SYNJ2BP: variants seen among roughly 807,000 people sequenced by gnomAD.
The protein encoded by SYNJ2BP is synaptojanin-2-binding protein.
SYNJ2BP carries 10 observed loss-of-function variants against 16.9 expected under a neutral mutation model. That is an observed-to-expected ratio of 0.59 (90% CI 0.36 to 1.00). The LOEUF (loss-of-function observed/expected upper bound fraction) is 1.00. Among genes scored for constraint, SYNJ2BP ranks in the 50% least tolerant of loss-of-function variants. SYNJ2BP has a pLI of 0.01. For missense variants in SYNJ2BP, 162 were observed against 186.7 expected (o/e 0.87, Z 0.77); for synonymous variants, 54 against 68.4 (o/e 0.79, Z 1.04).
chr14:70,394,613 C>T (rs987081085), intron 1 of SYNJ2BP, among the ~76,000 whole-genome samples: 4 of 151,854 alleles, frequency 2.6e-5, no homozygotes, highest in Non-Finnish European at 4.4e-5. Context: ...ATAAGAATGA[C>T]ACCACTATAG....
At chr14:70,375,649 A>T in intron 3 of SYNJ2BP, 27 bp downstream of exon 3, 1 of 1,601,878 alleles carries the variant, frequency 6.2e-7, no homozygotes, top group Admixed American at 1.8e-5. Context: ...GCCTGGTGCC[A>T]GGTTTCTGGC....
At position 70,394,209 on chromosome 14, in the gene SYNJ2BP, C is replaced by G. The variant is rs981813687; in HGVS notation, c.65-5603G>C. Among the ~76,000 whole-genome samples the G allele has an allele frequency of 4.0e-5, 6 of 151,784 alleles. No homozygotes were observed. In the South Asian group the frequency reaches 1.0e-3, roughly 26 times the overall value. ...CTCCCTATAAATAAAAACATACACA[C>G]AAATATTAACTATTTACAAAAATGC... On this transcript the variant is annotated intron_variant, in intron 1 of 3. Transcript: ENST00000256366.
chr14:70,371,065 G>A lies in SYNJ2BP; in HGVS notation c.*1926C>T, dbSNP rs955406933. 1.3e-5 allele frequency: 2 copies of A among 152,208 alleles called. 1 individual carries two copies. Among genetic ancestry groups the A allele is most frequent in the Middle Eastern group, 6.3e-3 (2 of 316 alleles). 9.4% of individuals were successfully genotyped at this position (152,208 alleles called of 1,614,324 possible). On this transcript the variant is annotated 3_prime_UTR_variant, in exon 4 of 4. Coordinates refer to ENST00000256366, the MANE Select transcript of SYNJ2BP (RefSeq NM_018373.3). ...CTGTCCAAGCTAGAAATGAAATACA[G>A]TTGATTGCCTGAGTCCTGATAATCT...
At chr14:70,412,631 A>ATATAT (rs1235982664) in intron 1 of SYNJ2BP, among the ~76,000 whole-genome samples, 540 of 147,980 alleles carry the variant, frequency 3.6e-3, no homozygotes, top group East Asian at 4.9e-3. Flanking sequence ...TATATATAGT[A>ATATAT]ACTAGCACAC....
chr14:70,394,188 C>T (rs1348308373), intron 1 of SYNJ2BP, among the ~76,000 whole-genome samples: 3 of 151,862 alleles, frequency 2.0e-5, no homozygotes, highest in African/African-American at 4.8e-5. Flanking sequence ...CAACACCTCC[C>T]TATAAATAAA....
chr14:70,380,870 A>G (rs1566616148), intron 2 of SYNJ2BP, among the ~76,000 whole-genome samples: 1 of 152,176 alleles, frequency 6.6e-6, no homozygotes, highest in East Asian at 1.9e-4. Flanking sequence ...ATGCAACTAT[A>G]TACTTTGAAT....
intron 3 of SYNJ2BP, among the ~76,000 whole-genome samples, chr14:70,374,799 A>G (rs1887589253): frequency 1.3e-5 from 2 of 152,132 alleles, no homozygotes; most frequent in South Asian, 2.1e-4. Context: ...GTTTTATCCA[A>G]TGGTTTTATA....
At chr14:70,392,050 A>G (rs1379479704) in intron 1 of SYNJ2BP, among the ~76,000 whole-genome samples, 2 of 152,270 alleles carry the variant, frequency 1.3e-5, no homozygotes, top group African/African-American at 2.4e-5. Context: ...TCACTTGCTC[A>G]GTAAAAATTA....
At chr14:70,412,399 C>G (rs1271083247) in intron 1 of SYNJ2BP, among the ~76,000 whole-genome samples, 1 of 151,342 alleles carries the variant, frequency 6.6e-6, no homozygotes, top group Non-Finnish European at 1.5e-5. Flanking sequence ...ATTTCCCAAT[C>G]TAATAATGTG....
chr14:70,406,064 T>C (rs889465836), intron 1 of SYNJ2BP, among the ~76,000 whole-genome samples: 1 of 152,188 alleles, frequency 6.6e-6, no homozygotes, highest in African/African-American at 2.4e-5. Context: ...TTAACCCTTT[T>C]CCAAAAGGAA....
At position 70,367,900 on chromosome 14, in the gene SYNJ2BP, T is replaced by A. The variant is rs935253126; in HGVS notation, c.*5091A>T. 3.3e-5 allele frequency: 5 copies of A among 152,200 alleles called. No individual in the cohort carries two copies. The highest frequency in any genetic ancestry group is 1.2e-4 in the African/African-American group (5 of 41,436). The allele number at this position is 152,200 out of a possible 1,614,324, so 9.4% of individuals were successfully genotyped here. On this transcript the variant is annotated 3_prime_UTR_variant, in exon 4 of 4. Coordinates refer to ENST00000256366, the MANE Select transcript of SYNJ2BP (RefSeq NM_018373.3). ...TTAGAGTGACTAAGTGTTATTTATC[T>A]CTCTATCTTCGGCACCTAGCACATA...
chr14:70,414,550 T>C (rs1178351804), intron 1 of SYNJ2BP, among the ~76,000 whole-genome samples: 1 of 152,228 alleles, frequency 6.6e-6, no homozygotes. Context: ...AAAGATTTCA[T>C]CTTTAGAACA....
At chr14:70,400,710 C>G (rs1300990122) in intron 1 of SYNJ2BP, among the ~76,000 whole-genome samples, 2 of 152,150 alleles carry the variant, frequency 1.3e-5, no homozygotes, top group Non-Finnish European at 2.9e-5. Context: ...ACTAAAGACA[C>G]GTTTTACATT....
rs944791214 is a variant in SYNJ2BP at position 70,366,935 on chromosome 14, T to A, written c.*6056A>T. The A allele has an allele frequency of 6.6e-6, 1 of 152,238 alleles. No homozygotes were observed. The allele number at this position is 152,238 out of a possible 1,614,324, so 9.4% of individuals were successfully genotyped here. ...GATTAAAATAGGATTCAATTATTCA[T>A]CTCCATTTGCAAATCTACAAACTAG... On this transcript the variant is annotated 3_prime_UTR_variant, in exon 4 of 4. Transcript: ENST00000256366.
intron 2 of SYNJ2BP, 105 bp from the exon 3 acceptor site, chr14:70,375,876 T>C (rs973569429): frequency 6.9e-6 from 10 of 1,447,614 alleles, no homozygotes; most frequent in Admixed American, 4.2e-5. Flanking sequence ...TCAGAGCAAA[T>C]TGCAAGGACT....
chr14:70,387,523 G>C (rs1180805920), intron 2 of SYNJ2BP, among the ~76,000 whole-genome samples: 1 of 152,094 alleles, frequency 6.6e-6, no homozygotes, highest in African/African-American at 2.4e-5. Context: ...ACTGTGCTAT[G>C]ATTCAAAAGG....
chr14:70,394,702 A>T (rs1470730190), intron 1 of SYNJ2BP, among the ~76,000 whole-genome samples: 2 of 151,404 alleles, frequency 1.3e-5, no homozygotes, highest in Admixed American at 6.6e-5. Context: ...TGAACTCCTG[A>T]CTATAGGTCT....
In SYNJ2BP at chr14:70,414,170, T is replaced by A. The variant is rs532184846; in HGVS notation, c.64+2730A>T. ...TAGGAAACCAGTTCTGGTAAGTGATTAACATGAACTTGAAACCTTTCTTTG... is the reference window on the plus strand; with the variant it reads ...TAGGAAACCAGTTCTGGTAAGTGATAAACATGAACTTGAAACCTTTCTTTG... On this transcript the variant is annotated intron_variant, in intron 1 of 3. Coordinates refer to ENST00000256366, the MANE Select transcript of SYNJ2BP (RefSeq NM_018373.3). 5.9e-4 allele frequency among the ~76,000 whole-genome samples: 90 copies of A among 152,288 alleles called. 1 individual carries two copies. The highest frequency in any genetic ancestry group is 1.0e-3 in the Admixed American group (16 of 15,308).
chr14:70,396,216 T>G (rs982742447), intron 1 of SYNJ2BP, among the ~76,000 whole-genome samples: 2 of 152,198 alleles, frequency 1.3e-5, no homozygotes, highest in African/African-American at 4.8e-5. Context: ...CCTCCCAGGT[T>G]CACTCATTCT....
Sources: gnomAD v4.1 joint callset for allele counts (sites outside exome capture counted in the v4.1 genomes callset) on GRCh38, gnomAD v4.1.1 for gene constraint, MANE v1.5 for transcripts, NCBI Gene and HGNC (gene_info 2026-07-23, HGNC 2026-07-21) for gene names.